Variants in ANKRD11 observed in about 807,000 individuals in gnomAD.
The protein encoded by ANKRD11 is ankyrin repeat domain 11, also known as ankyrin repeat domain-containing protein 11.
A neutral mutation model predicts 195.7 loss-of-function variants in ANKRD11; 17 were observed. That is an observed-to-expected ratio of 0.09 (90% confidence interval 0.06 to 0.13). The LOEUF (loss-of-function observed/expected upper bound fraction) is 0.13, where lower values mean the gene tolerates loss of function less well. ANKRD11 is among the 10% of genes least tolerant of loss of function. The pLI, the probability that ANKRD11 is intolerant of heterozygous loss-of-function variation, is 1.00. For synonymous variants in ANKRD11, 1,953 were observed against 1,528.1 expected (o/e 1.28, Z -6.49); for missense variants, 3,735 against 3,566.1 (o/e 1.05, Z -1.21).
At chr16:89,466,067 G>A (rs1452252742) in intron 1 of ANKRD11, among the ~76,000 whole-genome samples, 1 of 152,110 alleles carries the variant, frequency 6.6e-6, no homozygotes, top group Non-Finnish European at 1.5e-5. Flanking sequence ...AGTAAAAGGA[G>A]ATTGTGTCAT....
chr16:89,352,570 C>A (rs561902577), intron 2 of ANKRD11, among the ~76,000 whole-genome samples: 1 of 152,188 alleles, frequency 6.6e-6, no homozygotes, highest in South Asian at 2.1e-4. Flanking sequence ...GTCAGGGCCA[C>A]TTCCTCTCGC....
At chr16:89,274,408 C>G (rs1275843271) in intron 11 of ANKRD11, among the ~76,000 whole-genome samples, 1 of 152,208 alleles carries the variant, frequency 6.6e-6, no homozygotes, top group Admixed American at 6.5e-5. Flanking sequence ...GGGGCCTGTG[C>G]TGTGAAAGCC....
intron 1 of ANKRD11, among the ~76,000 whole-genome samples, chr16:89,431,834 A>G (rs1276784569): frequency 5.3e-5 from 8 of 152,118 alleles, no homozygotes; most frequent in Non-Finnish European, 1.0e-4. Flanking sequence ...CTCCTCACAC[A>G]GGCTGTGCAC....
intron 2 of ANKRD11, among the ~76,000 whole-genome samples, chr16:89,330,080 T>C (rs781189886): frequency 6.6e-6 from 1 of 152,184 alleles, no homozygotes; most frequent in Non-Finnish European, 1.5e-5. Flanking sequence ...ATAAACATTT[T>C]AATAATGTTT....
At chr16:89,358,294 C>T (rs2039577674) in intron 2 of ANKRD11, among the ~76,000 whole-genome samples, 1 of 152,244 alleles carries the variant, frequency 6.6e-6, no homozygotes, top group South Asian at 2.1e-4. Flanking sequence ...CGTGTTCCTT[C>T]CCTTCTGTTG....
At chr16:89,432,264 C>T (rs1567797152) in intron 1 of ANKRD11, among the ~76,000 whole-genome samples, 1 of 151,772 alleles carries the variant, frequency 6.6e-6, no homozygotes, top group Non-Finnish European at 1.5e-5. Flanking sequence ...CACACACACA[C>T]ACACACACAC....
chr16:89,397,037 A>T (rs1349286371), intron 2 of ANKRD11, among the ~76,000 whole-genome samples: 24 of 149,322 alleles, frequency 1.6e-4, no homozygotes, highest in African/African-American at 5.9e-4. Flanking sequence ...TTTTTTTTTT[A>T]AAGAATGTGC....
chr16:89,345,512 C>T (rs1224627279), intron 2 of ANKRD11, among the ~76,000 whole-genome samples: 1 of 152,164 alleles, frequency 6.6e-6, no homozygotes, highest in Non-Finnish European at 1.5e-5. Flanking sequence ...CTCCAGTGGC[C>T]CCAGGCTCTC....
intron 1 of ANKRD11, among the ~76,000 whole-genome samples, chr16:89,438,089 G>A (rs1459497774): frequency 6.6e-6 from 1 of 152,220 alleles, no homozygotes; most frequent in South Asian, 2.1e-4. Context: ...GGCCAGGAGG[G>A]CACCGCAAGC....
At chr16:89,352,218 C>T (rs562216864) in intron 2 of ANKRD11, among the ~76,000 whole-genome samples, 3 of 152,188 alleles carry the variant, frequency 2.0e-5, no homozygotes, top group African/African-American at 7.2e-5. Context: ...GCATGAGACA[C>T]GTTTCCCTAG....
chr16:89,479,607 C>A (rs2057375073), intron 1 of ANKRD11, among the ~76,000 whole-genome samples: 1 of 150,544 alleles, frequency 6.6e-6, no homozygotes, highest in African/African-American at 2.4e-5. Flanking sequence ...TGCACTCCAG[C>A]CTGGGCAACA....
At chr16:89,401,724 C>G (rs957334508) in intron 2 of ANKRD11, among the ~76,000 whole-genome samples, 1 of 152,186 alleles carries the variant, frequency 6.6e-6, no homozygotes, top group East Asian at 1.9e-4. Flanking sequence ...TAGGGTGGGC[C>G]CTCACCCCAC....
intron 1 of ANKRD11, among the ~76,000 whole-genome samples, chr16:89,426,620 A>C (rs1009517339): frequency 1.3e-5 from 2 of 151,982 alleles, no homozygotes; most frequent in Non-Finnish European, 2.9e-5. Flanking sequence ...AGAAAGCCTA[A>C]ATCAGGCGCA....
chr16:89,279,910 G>T lies in ANKRD11; in HGVS notation c.6632C>A (p.Pro2211Gln). 1 of 1,609,322 alleles carries T rather than the reference G, an allele frequency of 6.2e-7. No homozygotes were observed. The change falls in exon 9 of 13, where the codon CCA (proline) becomes CAA (glutamine). Residue 2211 changes from proline to glutamine, a missense_variant. Physicochemically the swap from Pro to Gln is moderately conservative, Grantham distance 76. Transcript: ENST00000301030. The surrounding 1 kb of genome is among the most constrained non-coding windows in gnomAD (Gnocchi z 5.6). ...AELEPEPSGE[P>Q]KLDVALEAAV... is the part of the protein sequence containing the mutation. ...AGCTTCTAGAGCCACGTCCAGCTTT[G>T]GCTCCCCTGAGGGCTCAGGCTCGAG...
chr16:89,406,453 G>C (rs1567760270), intron 2 of ANKRD11, among the ~76,000 whole-genome samples: 1 of 152,202 alleles, frequency 6.6e-6, no homozygotes, highest in African/African-American at 2.4e-5. Flanking sequence ...TGCTGAGAAG[G>C]CCGCACGGGC....
At chr16:89,278,842 G>A in intron 9 of ANKRD11, 1 of 736,832 alleles carries the variant, frequency 1.4e-6, no homozygotes, top group Non-Finnish European at 2.4e-6. Context: ...AGGAGACCGA[G>A]GCCTGGCACG....
In ANKRD11 at chr16:89,279,333, G is replaced by A; in HGVS notation, c.7209C>T (p.Ser2403=). The stretch of plus-strand genomic sequence containing the variant: ...GGATCACCTCCCGCGTCTGCTGCGT[G>A]GACGTGTTCAGCTGCTGCTGCAGCT... The part of the protein sequence containing the change: ...TQQLQQQLNT[S]TQQTREVIQQ... The change falls in exon 9 of 13, where the codon TCC becomes TCT. Residue 2403 remains serine (S), a synonymous_variant. Coordinates refer to ENST00000301030, the MANE Select transcript of ANKRD11 (RefSeq NM_013275.6). The surrounding 1 kb of genome is among the most constrained non-coding windows in gnomAD (Gnocchi z 5.6). 4 of 1,611,482 alleles carry A rather than the reference G, an allele frequency of 2.5e-6. No homozygotes were observed. The highest frequency in any genetic ancestry group is 1.1e-5 in the South Asian group (1 of 90,908).
intron 1 of ANKRD11, among the ~76,000 whole-genome samples, chr16:89,461,095 G>A (rs1481539077): frequency 7.1e-6 from 1 of 139,984 alleles, no homozygotes; most frequent in African/African-American, 2.7e-5. Flanking sequence ...AGAGAAGAAA[G>A]GACAAATATC....
chr16:89,320,439 T>A (rs1490029579), intron 2 of ANKRD11: 2 of 152,196 alleles, frequency 1.3e-5, no homozygotes, highest in African/African-American at 4.8e-5. Context: ...CCACTGGGGC[T>A]GACTCACGCC....
Sources: allele counts gnomAD v4.1 joint callset (sites outside exome capture counted in the v4.1 genomes callset), GRCh38; gene constraint gnomAD v4.1.1; non-coding constraint Gnocchi (gnomAD v3.1); transcripts MANE v1.5; gene names NCBI Gene and HGNC (gene_info 2026-07-23, HGNC 2026-07-21).